Variants in MAP3K5 observed in about 807,000 individuals in gnomAD.
MAP3K5 encodes ASK-1.
MAP3K5 carries 56 observed loss-of-function variants against 158.7 expected under a neutral mutation model. The ratio of observed to expected loss-of-function variants is 0.35; its 90% CI spans 0.28 to 0.44. MAP3K5 has a LOEUF of 0.44. Ranked by LOEUF, MAP3K5 falls within the 20% of genes least tolerant of loss-of-function variation. MAP3K5 has a pLI of 1.00. For synonymous variants in MAP3K5, 579 were observed against 601.7 expected, an observed-to-expected ratio of 0.96 and a Z score of 0.55; for missense variants, 1,294 against 1,674.8, an observed-to-expected ratio of 0.77 and a Z score of 3.97.
At chr6:136,581,514 GTA>G (rs1465292019) in intron 24 of MAP3K5, among the ~76,000 whole-genome samples, 1 of 152,180 alleles carries the variant, frequency 6.6e-6, no homozygotes, top group African/African-American at 2.4e-5. Context: ...GATTATGGAA[GTA>G]TAATTTTATT....
At chr6:136,564,561 T>C (rs757464484) in intron 26 of MAP3K5, among the ~76,000 whole-genome samples, 1 of 152,222 alleles carries the variant, frequency 6.6e-6, no homozygotes, top group Non-Finnish European at 1.5e-5. Context: ...TGATCTGGTA[T>C]GTATTTTTGT....
rs758974642 is a variant in MAP3K5 at position 136,694,257 on chromosome 6, A to G, written c.1136T>C (p.Val379Ala). 1 of 1,613,540 alleles carries G rather than the reference A, an allele frequency of 6.2e-7. No homozygotes were observed. Among genetic ancestry groups the G allele is most frequent in the Non-Finnish European group, 8.5e-7 (1 of 1,179,936 alleles). Residue 379 changes from valine to alanine, a missense_variant, in exon 7 of 30, where the codon GTG becomes GCG. Transcript: ENST00000359015. ...TGAAGCAACTTGTCCTTCGCTTTGCACCATGGGAATCATAATATCAAGAGC... is the reference window on the plus strand; with the variant it reads ...TGAAGCAACTTGTCCTTCGCTTTGCGCCATGGGAATCATAATATCAAGAGC... Reference protein sequence around the residue: ...AKALDIMIPMVQSEGQVASDM... With the variant: ...AKALDIMIPMAQSEGQVASDM...
chr6:136,564,193 C>G (rs993243276), intron 26 of MAP3K5, among the ~76,000 whole-genome samples: 9 of 152,176 alleles, frequency 5.9e-5, no homozygotes, highest in Admixed American at 5.2e-4. Context: ...GGAAAAGAGC[C>G]TTTCCAGGAC....
At chr6:136,612,996 C>T in intron 17 of MAP3K5, 124 bp downstream of exon 17, 1 of 884,548 alleles carries the variant, frequency 1.1e-6, no homozygotes, top group Non-Finnish European at 1.7e-6. Flanking sequence ...TATATTTCTG[C>T]TGTTTCTAAG....
intron 1 of MAP3K5, among the ~76,000 whole-genome samples, chr6:136,733,524 T>C (rs1782314862): frequency 6.6e-6 from 1 of 152,204 alleles, no homozygotes. Context: ...AAAGTACAAA[T>C]AGGTCCTACC....
At chr6:136,652,556 T>C (rs1014300540) in intron 10 of MAP3K5, among the ~76,000 whole-genome samples, 7 of 152,142 alleles carry the variant, frequency 4.6e-5, no homozygotes, top group Non-Finnish European at 8.8e-5. Context: ...GCAATGTATA[T>C]GAAATCAAAA....
At chr6:136,632,116 C>G (rs1184887960) in intron 14 of MAP3K5, among the ~76,000 whole-genome samples, 1 of 152,156 alleles carries the variant, frequency 6.6e-6, no homozygotes, top group East Asian at 1.9e-4. Flanking sequence ...GCATGGCCAC[C>G]TGGAAAGTGG....
intron 21 of MAP3K5, 27 bp downstream of exon 21, chr6:136,600,995 C>T (rs200244559): frequency 2.5e-6 from 4 of 1,613,036 alleles, no homozygotes; most frequent in Admixed American, 1.7e-5. Flanking sequence ...GGTCTCAGCT[C>T]AATGGGCAAA....
intron 1 of MAP3K5, among the ~76,000 whole-genome samples, chr6:136,751,732 G>C (rs1339654228): frequency 1.3e-5 from 2 of 152,238 alleles, no homozygotes; most frequent in Non-Finnish European, 2.9e-5. Flanking sequence ...AATGCAGGCT[G>C]CTAAAGGGAT....
Position 136,694,250 on chromosome 6 carries a change from G to A in MAP3K5, c.1143C>T (p.Ser381=), listed in dbSNP as rs773910034. 8 of 1,613,318 alleles carry A rather than the reference G, an allele frequency of 5.0e-6. No individual in the cohort carries two copies. The highest frequency in any genetic ancestry group is 2.7e-5 in the African/African-American group (2 of 74,900). ...ACATATCTGAAGCAACTTGTCCTTC[G>A]CTTTGCACCATGGGAATCATAATAT... The part of the protein sequence containing the change: ...ALDIMIPMVQ[S]EGQVASDMYC... Residue 381 remains serine (S), a synonymous_variant, in exon 7 of 30, where the codon AGC becomes AGT. Coordinates refer to ENST00000359015, the MANE Select transcript of MAP3K5 (RefSeq NM_005923.4).
chr6:136,666,137 T>C (rs927209137), intron 8 of MAP3K5, among the ~76,000 whole-genome samples: 1 of 152,196 alleles, frequency 6.6e-6, no homozygotes, highest in Admixed American at 6.5e-5. Context: ...TCTGTGTTTT[T>C]AAATCCTAGC....
intron 1 of MAP3K5, among the ~76,000 whole-genome samples, chr6:136,762,394 G>C (rs1302835233): frequency 1.3e-5 from 2 of 152,184 alleles, no homozygotes; most frequent in Middle Eastern, 3.2e-3. Flanking sequence ...AGGATACACA[G>C]CCAAGAGCTG....
intron 2 of MAP3K5, among the ~76,000 whole-genome samples, chr6:136,715,595 G>A (rs1030707392): frequency 6.6e-6 from 1 of 152,024 alleles, no homozygotes; most frequent in African/African-American, 2.4e-5. Flanking sequence ...GCATCCTCTT[G>A]CACTGACAAT....
rs192373902 is a variant in MAP3K5 at position 136,770,939 on chromosome 6, C to T, written c.448+20771G>A. ...TTTTTAAAAACAAAGGGATAATATT[C>T]TTAATATGTATACAACTCCTTATTA... is the stretch of plus-strand genomic sequence containing the variant. On this transcript the variant is annotated intron_variant, in intron 1 of 29. Transcript: ENST00000359015. Among the ~76,000 whole-genome samples the T allele has an allele frequency of 8.5e-5, 13 of 152,166 alleles. No homozygotes were observed. In the East Asian group the frequency reaches 2.5e-3, roughly 29 times the overall value.
chr6:136,684,761 A>G (rs1780077481), intron 7 of MAP3K5, among the ~76,000 whole-genome samples: 1 of 152,134 alleles, frequency 6.6e-6, no homozygotes, highest in Non-Finnish European at 1.5e-5. Context: ...CCTTTAACTG[A>G]TTTAAATCTT....
chr6:136,765,608 G>A (rs974145912), intron 1 of MAP3K5, among the ~76,000 whole-genome samples: 2 of 151,434 alleles, frequency 1.3e-5, no homozygotes, highest in African/African-American at 4.9e-5. Flanking sequence ...CACCTCTTGG[G>A]TTCAAGCAAA....
chr6:136,700,726 A>G (rs901767278), intron 3 of MAP3K5, among the ~76,000 whole-genome samples: 2 of 152,206 alleles, frequency 1.3e-5, no homozygotes. Flanking sequence ...ATTGAAACAT[A>G]AAATAGTTTC....
chr6:136,581,497 A>G (rs1774873901), intron 24 of MAP3K5, among the ~76,000 whole-genome samples: 1 of 152,228 alleles, frequency 6.6e-6, no homozygotes, highest in African/African-American at 2.4e-5. Context: ...CTGAGTATCT[A>G]TAGTATGATT....
chr6:136,634,557 G>A (rs1051642944), intron 14 of MAP3K5, among the ~76,000 whole-genome samples: 1 of 152,098 alleles, frequency 6.6e-6, no homozygotes, highest in African/African-American at 2.4e-5. Flanking sequence ...GGATAGAAAT[G>A]TAAGAATGTT....
Sources: allele counts gnomAD v4.1 joint callset (sites outside exome capture counted in the v4.1 genomes callset), GRCh38; gene constraint gnomAD v4.1.1; transcripts MANE v1.5; gene names NCBI Gene and HGNC (gene_info 2026-07-23, HGNC 2026-07-21).